Variants in GRPR observed in about 807,000 individuals in gnomAD.
GRPR encodes gastrin releasing peptide receptor, also known as gastrin-releasing peptide receptor.
A neutral mutation model predicts 15.6 loss-of-function variants in GRPR; 4 were observed. That is an observed-to-expected ratio of 0.26 (90% confidence interval 0.13 to 0.59). GRPR has a LOEUF of 0.59. Among genes scored for constraint, GRPR ranks in the 20% least tolerant of loss-of-function variants. GRPR has a pLI of 0.90. For missense variants in GRPR, 270 were observed against 304.1 expected (o/e 0.89, Z 0.83); for synonymous variants, 128 against 126.8 (o/e 1.01, Z -0.06).
rs148697289 is a variant in GRPR at position 16,151,486 on chromosome X, C to T, written c.766-770C>T. ...CTCACTTGGAGACCTTACCCTTTAA[C>T]GTTCATTATTTATGTATTTGTCTCA... On this transcript the variant is annotated intron_variant, in intron 2 of 2. Coordinates refer to ENST00000380289, the MANE Select transcript of GRPR (RefSeq NM_005314.3). Among the ~76,000 whole-genome samples, 17 of 111,982 alleles carry T rather than the reference C, an allele frequency of 1.5e-4. No individual in the cohort carries two copies. The East Asian group carries it at 2.5e-3, about 17-fold the overall frequency.
intron 1 of GRPR, among the ~76,000 whole-genome samples, chrX:16,148,236 A>G (rs1922636239): frequency 9.0e-6 from 1 of 111,591 alleles, no homozygotes; most frequent in Non-Finnish European, 1.9e-5. Context: ...AGTTGCATCT[A>G]TGTCTGATAA....
intron 1 of GRPR, among the ~76,000 whole-genome samples, chrX:16,142,648 C>T (rs1922546180): frequency 9.0e-6 from 1 of 111,641 alleles, no homozygotes; most frequent in South Asian, 3.7e-4. Context: ...CATTAACATA[C>T]ATACAATGTA....
chrX:16,138,335 T>C (rs1922478850), intron 1 of GRPR, among the ~76,000 whole-genome samples: 1 of 112,033 alleles, frequency 8.9e-6, no homozygotes, highest in Non-Finnish European at 1.9e-5. Context: ...CTGGGAGATG[T>C]TTATGCTATA....
chrX:16,152,608 T>C lies in GRPR; in HGVS notation c.1118T>C (p.Leu373Pro). ...STNPSVATFS[L>P]INGNICHERY... ...AACCCCTCCGTGGCCACCTTTAGCC[T>C]CATCAATGGAAACATCTGTCACGAG... Residue 373 changes from leucine to proline, a missense_variant, in exon 3 of 3, where the codon CTC becomes CCC. Around this residue, in one of 3 missense-constraint regions of GRPR, gnomAD observed 133 missense variants for 123.4 expected, o/e 1.08. Coordinates refer to ENST00000380289, the MANE Select transcript of GRPR (RefSeq NM_005314.3). 1 of 1,209,992 alleles carries C rather than the reference T, an allele frequency of 8.3e-7. No individual in the cohort carries two copies. The highest frequency in any genetic ancestry group is 3.0e-5 in the East Asian group (1 of 33,846).
chrX:16,151,547 A>G (rs1331781424), intron 2 of GRPR, among the ~76,000 whole-genome samples: 1 of 111,555 alleles, frequency 9.0e-6, no homozygotes, highest in African/African-American at 3.3e-5. Context: ...TAATGAAACT[A>G]CCTTCCTACT....
intron 1 of GRPR, among the ~76,000 whole-genome samples, chrX:16,126,486 G>C (rs941224795): frequency 3.6e-5 from 4 of 111,302 alleles, no homozygotes; most frequent in Non-Finnish European, 7.5e-5. Flanking sequence ...ACAGTAAACT[G>C]AACAAGTAAC....
At chrX:16,137,766 A>T (rs759839576) in intron 1 of GRPR, among the ~76,000 whole-genome samples, 1 of 111,670 alleles carries the variant, frequency 9.0e-6, no homozygotes, top group Admixed American at 9.5e-5. Context: ...GACTGGGAGC[A>T]TGGCAGGGGA....
chrX:16,133,759 A>AT (rs1191252820), intron 1 of GRPR, among the ~76,000 whole-genome samples: 1 of 110,854 alleles, frequency 9.0e-6, no homozygotes, highest in Non-Finnish European at 1.9e-5. Context: ...AATAGTATTG[A>AT]TTTTTTCTCT....
chrX:16,151,682 C>G (rs1922706215), intron 2 of GRPR, among the ~76,000 whole-genome samples: 1 of 112,041 alleles, frequency 8.9e-6, no homozygotes, highest in South Asian at 3.8e-4. Context: ...TTGCCACAGT[C>G]TCTTTCTATA....
At position 16,152,313 on chromosome X, in the gene GRPR, T is replaced by C; in HGVS notation, c.823T>C (p.Phe275Leu). ...GCTGGTGTTTGTGGGCCTGTTCGCC[T>C]TCTGCTGGCTCCCCAATCATGTCAT... is the stretch of plus-strand genomic sequence containing the variant. ...TVLVFVGLFA[F>L]CWLPNHVIYL... Residue 275 changes from phenylalanine (F) to leucine (L), a missense_variant, in exon 3 of 3, where the codon TTC becomes CTC. Phe to Leu is a conservative substitution (Grantham distance 22, BLOSUM62 0). Coordinates refer to ENST00000380289, the MANE Select transcript of GRPR (RefSeq NM_005314.3). 8.3e-7 allele frequency: 1 copy of C among 1,207,093 alleles called. No individual in the cohort carries two copies. The highest frequency in any genetic ancestry group is 1.1e-6 in the Non-Finnish European group (1 of 891,240).
intron 1 of GRPR, among the ~76,000 whole-genome samples, chrX:16,139,911 C>T (rs933758571): frequency 4.5e-5 from 5 of 112,265 alleles, no homozygotes; most frequent in Admixed American, 9.4e-5. Context: ...TGAAAAGTGT[C>T]GAGAACTTTG....
intron 1 of GRPR, among the ~76,000 whole-genome samples, chrX:16,137,974 A>G (rs1922474000): frequency 8.9e-6 from 1 of 112,087 alleles, no homozygotes; most frequent in South Asian, 3.7e-4. Flanking sequence ...AGGGTACATC[A>G]ACCTTCTTAA....
intron 2 of GRPR, among the ~76,000 whole-genome samples, chrX:16,151,679 A>T (rs1449917909): frequency 8.9e-6 from 1 of 112,210 alleles, no homozygotes; most frequent in Non-Finnish European, 1.9e-5. Flanking sequence ...TCTTTGCCAC[A>T]GTCTCTTTCT....
chrX:16,139,909 G>A (rs897003168), intron 1 of GRPR, among the ~76,000 whole-genome samples: 1 of 112,628 alleles, frequency 8.9e-6, no homozygotes, highest in Admixed American at 9.4e-5. Flanking sequence ...CTTGAAAAGT[G>A]TCGAGAACTT....
chrX:16,135,161 G>A (rs758423089), intron 1 of GRPR, among the ~76,000 whole-genome samples: 4 of 111,665 alleles, frequency 3.6e-5, no homozygotes, highest in Non-Finnish European at 5.7e-5. Context: ...GATGCCTGCC[G>A]CAGGGGACAC....
chrX:16,126,443 T>C (rs1922292977), intron 1 of GRPR, among the ~76,000 whole-genome samples: 1 of 112,087 alleles, frequency 8.9e-6, no homozygotes, highest in African/African-American at 3.2e-5. Flanking sequence ...TTCTATATTA[T>C]TTTTTCTTCT....
At chrX:16,138,106 G>T (rs946957777) in intron 1 of GRPR, among the ~76,000 whole-genome samples, 2 of 111,989 alleles carry the variant, frequency 1.8e-5, no homozygotes, top group Non-Finnish European at 3.8e-5. Flanking sequence ...TTTGGATTTG[G>T]ATTTGTATAT....
chrX:16,152,702 C>A lies in GRPR; in HGVS notation c.*57C>A. 1 of 1,033,431 alleles carries A rather than the reference C, an allele frequency of 9.7e-7. No homozygotes were observed. The highest frequency in any genetic ancestry group is 1.4e-6 in the Non-Finnish European group (1 of 734,226). The allele number at this position is 1,033,431 out of a possible 1,213,427, so 85.2% of individuals were successfully genotyped here. A position where few individuals can be genotyped will look rare whatever the true frequency, so the allele number is the denominator to read the frequency against. On this transcript the variant is annotated 3_prime_UTR_variant, in exon 3 of 3. Transcript: ENST00000380289. Reference sequence around the variant, plus strand: ...GTTTTGCTTTATGGCTAGACAGGAACCCTTGCATCCATTGTTGTGTCTGTG... The same window carrying A: ...GTTTTGCTTTATGGCTAGACAGGAAACCTTGCATCCATTGTTGTGTCTGTG...
chrX:16,150,517 T>C lies in GRPR; in HGVS notation c.626T>C (p.Ile209Thr). ...YPHSNELHPK[I>T]HSMASFLVFY... ...CACTCTAATGAGCTTCACCCCAAAA[T>C]CCATTCTATGGCTTCCTTTCTGGTC... is the stretch of plus-strand genomic sequence containing the variant. The change falls in exon 2 of 3, where the codon ATC (isoleucine) becomes ACC (threonine). Residue 209 changes from isoleucine to threonine, a missense_variant. This residue lies in a region of GRPR where 22 missense variants were observed against 51.9 expected (regional missense o/e 0.42). Coordinates refer to ENST00000380289, the MANE Select transcript of GRPR (RefSeq NM_005314.3). The C allele has an allele frequency of 8.3e-7, 1 of 1,201,714 alleles. No homozygotes were observed. The highest frequency in any genetic ancestry group is 2.3e-4 in the Middle Eastern group (1 of 4,332).
Sources: gnomAD v4.1 joint callset for allele counts (sites outside exome capture counted in the v4.1 genomes callset) on GRCh38, gnomAD v4.1.1 for gene constraint, gnomAD v4.1.1 regional missense constraint, MANE v1.5 for transcripts, NCBI Gene and HGNC (gene_info 2026-07-23, HGNC 2026-07-21) for gene names.